Variants in LNPEP observed in about 807,000 individuals in gnomAD.
LNPEP encodes the protein leucyl and cystinyl aminopeptidase.
LNPEP carries 64 observed loss-of-function variants against 120.6 expected under a neutral mutation model. That is an observed-to-expected ratio of 0.53 (90% CI 0.43 to 0.65). The LOEUF is 0.65. LNPEP is among the 30% of genes least tolerant of loss of function. The probability of loss-of-function intolerance (pLI) is 0.00; values close to 1 mark genes in which losing one functional copy is unlikely to be tolerated. For missense variants in LNPEP, 1,057 were observed against 1,200.0 expected (o/e 0.88, Z 1.76); for synonymous variants, 435 against 425.4 (o/e 1.02, Z -0.28).
chr5:96,985,245 A>C, intron 3 of LNPEP, 27 bp downstream of exon 3: 1 of 1,573,340 alleles, frequency 6.4e-7, no homozygotes, highest in Non-Finnish European at 8.6e-7. Context: ...TGAATGTAAA[A>C]ATCTTTGAAT....
intron 1 of LNPEP, among the ~76,000 whole-genome samples, chr5:96,963,065 C>T (rs1383667744): frequency 6.6e-6 from 1 of 152,132 alleles, no homozygotes; most frequent in Admixed American, 6.5e-5. Context: ...GTTTCATTCT[C>T]TCCTTATGTT....
intron 1 of LNPEP, among the ~76,000 whole-genome samples, chr5:96,946,371 A>G (rs912678251): frequency 1.3e-5 from 2 of 152,212 alleles, no homozygotes; most frequent in Non-Finnish European, 2.9e-5. Flanking sequence ...AATATAGAAA[A>G]GAGGGTCTAG....
At chr5:96,955,316 T>A (rs1324153442) in intron 1 of LNPEP, among the ~76,000 whole-genome samples, 3 of 152,100 alleles carry the variant, frequency 2.0e-5, no homozygotes, top group African/African-American at 4.8e-5. Flanking sequence ...GTTTCTTTTT[T>A]AAAAATTGGT....
At chr5:96,992,629 C>CA in intron 4 of LNPEP, among the ~76,000 whole-genome samples, 1 of 152,184 alleles carries the variant, frequency 6.6e-6, no homozygotes, top group South Asian at 2.1e-4. Flanking sequence ...AAATAACTCT[C>CA]AATCTTTTTA....
Position 97,024,503 on chromosome 5 carries a change from T to G in LNPEP, c.2562-18T>G, listed in dbSNP as rs1036117978. 2.5e-6 allele frequency: 4 copies of G among 1,609,730 alleles called. No individual in the cohort carries two copies. The African/African-American group carries it at 5.4e-5, about 22-fold the overall frequency. On this transcript the variant is annotated intron_variant, in intron 14 of 17. Transcript: ENST00000231368. ...AATATTTTCTTGTTATTCTCATGTT[T>G]GACCACCTCTCTTACAGCCTACCTA...
chr5:96,968,131 T>C (rs1789771298), intron 1 of LNPEP, among the ~76,000 whole-genome samples: 1 of 152,072 alleles, frequency 6.6e-6, no homozygotes, highest in Admixed American at 6.6e-5. Context: ...AGGCAAATAG[T>C]GTGCATAATT....
At chr5:96,971,343 A>ATT (rs970797132) in intron 1 of LNPEP, among the ~76,000 whole-genome samples, 5 of 100,516 alleles carry the variant, frequency 5.0e-5, no homozygotes, top group African/African-American at 2.1e-4. Context: ...AGACATTATT[A>ATT]TTTGTGTGTG....
intron 1 of LNPEP, among the ~76,000 whole-genome samples, chr5:96,977,097 A>G (rs1790016712): frequency 6.6e-6 from 1 of 152,154 alleles, no homozygotes; most frequent in Non-Finnish European, 1.5e-5. Flanking sequence ...ATTTTAAAGT[A>G]GCATAACTTG....
chr5:96,986,731 CT>C, intron 4 of LNPEP, 61 bp downstream of exon 4: 1 of 1,446,266 alleles, frequency 6.9e-7, no homozygotes, highest in South Asian at 1.2e-5. Flanking sequence ...GGACCTCTTG[CT>C]TTAACGATTC....
At chr5:97,010,153 G>A in intron 11 of LNPEP, 2 of 427,384 alleles carry the variant, frequency 4.7e-6, no homozygotes, top group Non-Finnish European at 6.2e-6. Context: ...TACATATTGA[G>A]GAATTATATT....
At chr5:96,943,234 AAAAG>A (rs199809769) in intron 1 of LNPEP, 72,774 of 213,486 alleles carry the variant, frequency 0.34, 12,006 homozygotes, top group African/African-American at 0.38. Flanking sequence ...AAAAAAAAAA[AAAAG>A]AAAACTATAG....
chr5:96,973,286 CT>C lies in LNPEP; in HGVS notation c.20-5844del, dbSNP rs202200508. Among the ~76,000 whole-genome samples, 34 of 151,802 alleles carry C rather than the reference CT, an allele frequency of 2.2e-4. No homozygotes were observed. The East Asian group carries it at 4.2e-3, about 19-fold the overall frequency. ...TTGGACCTACCCAGAAAAAAATCACCTTTTTTTTGTTCTAAATTCTAGTGTT... is the reference window on the plus strand; with the variant it reads ...TTGGACCTACCCAGAAAAAAATCACCTTTTTTTGTTCTAAATTCTAGTGTT... On this transcript the variant is annotated intron_variant, in intron 1 of 17. Transcript: ENST00000231368.
At chr5:97,010,433 T>A (rs1328771735) in intron 11 of LNPEP, 1 of 985,142 alleles carries the variant, frequency 1.0e-6, no homozygotes, top group Non-Finnish European at 1.2e-6. Flanking sequence ...CTTGCCTTTT[T>A]TTCCCCTAAT....
At chr5:96,939,794 G>A (rs1401696726) in intron 1 of LNPEP, among the ~76,000 whole-genome samples, 1 of 151,916 alleles carries the variant, frequency 6.6e-6, no homozygotes, top group Non-Finnish European at 1.5e-5. Context: ...ATATTTGTGG[G>A]TTGTAATACA....
intron 10 of LNPEP, 40 bp from the exon 11 acceptor site, chr5:97,006,387 A>C: frequency 7.5e-7 from 1 of 1,325,008 alleles, no homozygotes; most frequent in Non-Finnish European, 1.1e-6. Context: ...AAAAAAAAAA[A>C]ATCATATGTA....
At chr5:97,011,830 C>T (rs147877986) in intron 11 of LNPEP, among the ~76,000 whole-genome samples, 1 of 152,250 alleles carries the variant, frequency 6.6e-6, no homozygotes, top group African/African-American at 2.4e-5. Context: ...TTATTATGTC[C>T]TGTTAAGACA....
rs754449961 is a variant in LNPEP, at chr5:96,979,619, G to C, written c.501G>C (p.Arg167Ser). Residue 167 changes from arginine (R) to serine (S), a missense_variant, in exon 2 of 18, where the codon AGG (arginine) becomes AGC (serine). Arg to Ser is a moderately radical substitution (Grantham distance 110). Transcript: ENST00000231368. Reference protein sequence around the residue: ...NGKLFPWAQIRLPTAVVPLRY... With the variant: ...NGKLFPWAQISLPTAVVPLRY... ...AATTGTTTCCATGGGCACAGATCAG[G>C]CTTCCCACTGCCGTTGTGCCACTAC... 4 of 1,614,052 alleles carry C rather than the reference G, an allele frequency of 2.5e-6. No homozygotes were observed. The highest frequency in any genetic ancestry group is 1.1e-5 in the South Asian group (1 of 91,082).
At position 96,936,955 on chromosome 5, in the gene LNPEP, A is replaced by C. The variant is rs112483111; in HGVS notation, c.19+781A>C. The C allele has an allele frequency of 4.0e-3, 613 of 152,256 alleles. 2 individuals are homozygous for C. The highest frequency in any genetic ancestry group is 5.4e-3 in the Non-Finnish European group (365 of 68,066). The allele number at this position is 152,256 out of a possible 1,614,324, so 9.4% of individuals were successfully genotyped here. On this transcript the variant is annotated intron_variant, in intron 1 of 17. Coordinates refer to ENST00000231368, the MANE Select transcript of LNPEP (RefSeq NM_005575.3). ...TCACTGAACGGGGAGCATAAATCCC[A>C]CCCTAGTTAGAACCATGGCTTTTGT...
chr5:97,022,510 A>G, intron 14 of LNPEP, 26 bp downstream of exon 14: 1 of 1,556,180 alleles, frequency 6.4e-7, no homozygotes, highest in South Asian at 1.1e-5. Context: ...ACTCAGATGA[A>G]TTATCTTCTT....
Sources: gnomAD v4.1 joint callset for allele counts (sites outside exome capture counted in the v4.1 genomes callset) on GRCh38, gnomAD v4.1.1 for gene constraint, MANE v1.5 for transcripts, NCBI Gene and HGNC (gene_info 2026-07-23, HGNC 2026-07-21) for gene names.